The following PCDHAC1 variants were observed in gnomAD, a reference collection of about 807,000 sequenced individuals.
PCDHAC1 encodes the protein protocadherin alpha subfamily C, 1, also known as protocadherin alpha-C1.
In PCDHAC1, 42 loss-of-function variants were observed where a neutral mutation model predicts 60.0. That is an observed-to-expected ratio of 0.70 (90% CI 0.55 to 0.90). The LOEUF is 0.90. Ranked by LOEUF, PCDHAC1 falls within the 40% of genes least tolerant of loss-of-function variation. The probability of loss-of-function intolerance (pLI) is 0.00; values close to 1 mark genes in which losing one functional copy is unlikely to be tolerated. For missense variants in PCDHAC1, 1,160 were observed against 1,222.3 expected (o/e 0.95, Z 0.76); for synonymous variants, 468 against 499.3 (o/e 0.94, Z 0.84).
intron 1 of PCDHAC1, among the ~76,000 whole-genome samples, chr5:140,944,651 C>T (rs1554216459): frequency 6.6e-6 from 1 of 152,152 alleles, no homozygotes; most frequent in Non-Finnish European, 1.5e-5. Context: ...ATTGGGAGTC[C>T]ATACCCCTTA....
intron 1 of PCDHAC1, among the ~76,000 whole-genome samples, chr5:140,974,319 G>A (rs781949857): frequency 1.8e-4 from 27 of 152,198 alleles, no homozygotes; most frequent in Non-Finnish European, 3.5e-4. Flanking sequence ...TGAGAGAGTA[G>A]CTGCTGTGCT....
chr5:140,958,089 C>A (rs2095409002), intron 1 of PCDHAC1, among the ~76,000 whole-genome samples: 1 of 151,872 alleles, frequency 6.6e-6, no homozygotes, highest in African/African-American at 2.4e-5. Context: ...TAAAGTTGTA[C>A]AATAGTGTGT....
At position 141,011,460 on chromosome 5, in the gene PCDHAC1, T is replaced by G. The variant is rs1285322141; in HGVS notation, c.*1523T>G. 6.5e-6 allele frequency: 1 copy of G among 153,832 alleles called. No homozygotes were observed. The highest frequency in any genetic ancestry group is 2.4e-5 in the African/African-American group (1 of 41,470). 9.5% of individuals were successfully genotyped at this position (153,832 alleles called of 1,614,324 possible). On this transcript the variant is annotated 3_prime_UTR_variant, in exon 4 of 4. Coordinates refer to ENST00000253807, the MANE Select transcript of PCDHAC1 (RefSeq NM_018898.5). The stretch of plus-strand genomic sequence containing the variant: ...TAGAGTGAACTTTAAGCTTTATTGT[T>G]GAATGTAATTCCATTATATTTCCTT...
chr5:141,009,514 A>T (rs2098410382), intron 3 of PCDHAC1, 113 bp from the exon 4 acceptor site: 5 of 1,501,204 alleles, frequency 3.3e-6, no homozygotes, highest in African/African-American at 1.4e-5. Context: ...ACAACTCGTG[A>T]TTTTTCTGGG....
At chr5:141,002,907 A>T (rs1201381868) in intron 3 of PCDHAC1, among the ~76,000 whole-genome samples, 1 of 152,210 alleles carries the variant, frequency 6.6e-6, no homozygotes, top group Non-Finnish European at 1.5e-5. Flanking sequence ...TGAAGAGAAG[A>T]TCAGAAAAGT....
intron 1 of PCDHAC1, among the ~76,000 whole-genome samples, chr5:140,965,602 A>G (rs1319736678): frequency 6.6e-6 from 1 of 152,126 alleles, no homozygotes; most frequent in African/African-American, 2.4e-5. Context: ...AGACTCTTGA[A>G]GACATTGTCA....
At chr5:140,975,010 C>T (rs2096649304) in intron 1 of PCDHAC1, among the ~76,000 whole-genome samples, 1 of 152,182 alleles carries the variant, frequency 6.6e-6, no homozygotes, top group Admixed American at 6.5e-5. Context: ...GAAATGAACA[C>T]AGCTGGGCTG....
intron 1 of PCDHAC1, among the ~76,000 whole-genome samples, chr5:140,978,557 T>C (rs1262121525): frequency 6.6e-6 from 1 of 152,246 alleles, no homozygotes; most frequent in Non-Finnish European, 1.5e-5. Flanking sequence ...TGCCCTGTTA[T>C]AGCTGTAATA....
intron 3 of PCDHAC1, among the ~76,000 whole-genome samples, chr5:140,999,721 G>T (rs2097872214): frequency 6.6e-6 from 1 of 152,150 alleles, no homozygotes; most frequent in South Asian, 2.1e-4. Flanking sequence ...ACGGAGACCA[G>T]CCATTCCAAT....
intron 3 of PCDHAC1, among the ~76,000 whole-genome samples, chr5:140,999,645 G>C (rs1417751593): frequency 6.6e-6 from 1 of 152,156 alleles, no homozygotes; most frequent in Non-Finnish European, 1.5e-5. Context: ...AAACTGTGCA[G>C]CCTGAGCCCT....
intron 1 of PCDHAC1, among the ~76,000 whole-genome samples, chr5:140,974,318 A>G (rs2096622244): frequency 6.6e-6 from 1 of 152,206 alleles, no homozygotes; most frequent in Admixed American, 6.5e-5. Context: ...GTGAGAGAGT[A>G]GCTGCTGTGC....
At chr5:140,974,105 A>G (rs1173287678) in intron 1 of PCDHAC1, among the ~76,000 whole-genome samples, 1 of 152,246 alleles carries the variant, frequency 6.6e-6, no homozygotes, top group African/African-American at 2.4e-5. Context: ...GGTTAAAAGT[A>G]TTCTTTTGCA....
At position 140,993,460 on chromosome 5, in the gene PCDHAC1, T is replaced by TCACACA. The variant is rs1554253699; in HGVS notation, c.2581+10898_2581+10899insACACAC. ...TTCATTCCTGTTCTCCTTCTTTCTT[T>TCACACA]CTCACACACACACACACACACACAC... On this transcript the variant is annotated intron_variant, in intron 3 of 3. Transcript: ENST00000253807. Among the ~76,000 whole-genome samples, 49 of 104,564 alleles carry TCACACA rather than the reference T, an allele frequency of 4.7e-4. 1 individual carries two copies. Among genetic ancestry groups the TCACACA allele is most frequent in the Admixed American group, 1.8e-3 (15 of 8,460 alleles). 68.6% of individuals were successfully genotyped at this position (104,564 alleles called of 152,430 possible).
In PCDHAC1 at chr5:141,006,011, G is replaced by A. The variant is rs146101776; in HGVS notation, c.2582-3616G>A. Among the ~76,000 whole-genome samples the A allele has an allele frequency of 2.7e-3, 408 of 151,544 alleles. 2 individuals carry two copies. Among genetic ancestry groups the A allele is most frequent in the African/African-American group, 8.8e-3 (365 of 41,422 alleles). Reference sequence around the variant, plus strand: ...GAGGATCTGAAAGAAGGCCTGTATGGTTGGAGTATAATAGTAAGAGGGAGA... The same window carrying A: ...GAGGATCTGAAAGAAGGCCTGTATGATTGGAGTATAATAGTAAGAGGGAGA... On this transcript the variant is annotated intron_variant, in intron 3 of 3. Coordinates refer to ENST00000253807, the MANE Select transcript of PCDHAC1 (RefSeq NM_018898.5).
At chr5:140,984,533 T>C (rs1477702565) in intron 3 of PCDHAC1, among the ~76,000 whole-genome samples, 1 of 152,216 alleles carries the variant, frequency 6.6e-6, no homozygotes, top group African/African-American at 2.4e-5. Context: ...CTTCATGGAC[T>C]GTGCTGGATA....
At chr5:140,987,668 G>C (rs1262402590) in intron 3 of PCDHAC1, among the ~76,000 whole-genome samples, 1 of 152,082 alleles carries the variant, frequency 6.6e-6, no homozygotes, top group Non-Finnish European at 1.5e-5. Context: ...GAACAATCAG[G>C]GTTTAGTAAA....
At chr5:140,952,471 A>G (rs1324501616) in intron 1 of PCDHAC1, among the ~76,000 whole-genome samples, 2 of 152,204 alleles carry the variant, frequency 1.3e-5, no homozygotes, top group African/African-American at 2.4e-5. Context: ...AAGCATAAGG[A>G]AAGTGACATT....
Position 140,928,161 on chromosome 5 carries a change from C to T in PCDHAC1, c.1269C>T (p.Pro423=), listed in dbSNP as rs155820. ...TCACGGCCTCAGATAGTGGCTCACC[C>T]CCACTTAGCACCCGAAGGACAATCA... ...VLITASDSGS[P]PLSTRRTITV... The change falls in exon 1 of 4, where the codon CCC becomes CCT. Residue 423 remains proline, a synonymous_variant. Transcript: ENST00000253807. 6.2e-7 allele frequency: 1 copy of T among 1,613,960 alleles called. No individual in the cohort carries two copies. The highest frequency in any genetic ancestry group is 1.1e-5 in the South Asian group (1 of 91,068).
chr5:140,935,108 A>G (rs1181696268), intron 1 of PCDHAC1, among the ~76,000 whole-genome samples: 3 of 152,148 alleles, frequency 2.0e-5, no homozygotes, highest in Non-Finnish European at 4.4e-5. Context: ...TTTTTCAAAG[A>G]GCTTTCACTT....
Sources: allele counts gnomAD v4.1 joint callset (sites outside exome capture counted in the v4.1 genomes callset), GRCh38; gene constraint gnomAD v4.1.1; transcripts MANE v1.5; gene names NCBI Gene and HGNC (gene_info 2026-07-23, HGNC 2026-07-21).